TENM1: variants seen among roughly 807,000 people sequenced by gnomAD.
TENM1 encodes the protein teneurin-1.
TENM1 carries 35 observed loss-of-function variants against 174.8 expected under a neutral mutation model. That is an observed-to-expected ratio of 0.20 (90% CI 0.15 to 0.27). The LOEUF is 0.27. TENM1 is among the 10% of genes least tolerant of loss of function. The probability of loss-of-function intolerance (pLI) is 1.00; values close to 1 mark genes in which losing one functional copy is unlikely to be tolerated. For missense variants in TENM1, 1,633 were observed against 2,130.1 expected, an observed-to-expected ratio of 0.77 and a Z score of 4.59; for synonymous variants, 781 against 798.7, an observed-to-expected ratio of 0.98 and a Z score of 0.37.
At chrX:124,687,299 C>T (rs1252547385) in intron 5 of TENM1, among the ~76,000 whole-genome samples, 1 of 111,550 alleles carries the variant, frequency 9.0e-6, no homozygotes, top group Non-Finnish European at 1.9e-5. Flanking sequence ...ACCATCTGAT[C>T]TTCGACAAAT....
chrX:124,516,982 C>T (rs1028098666), intron 18 of TENM1, among the ~76,000 whole-genome samples: 2 of 111,794 alleles, frequency 1.8e-5, no homozygotes, highest in South Asian at 3.7e-4. Flanking sequence ...AAAAGAATGA[C>T]ATTGTGTCTT....
At chrX:124,987,768 A>T in the TENM1 span, among the ~76,000 whole-genome samples, 5 of 105,006 alleles carry the variant, frequency 4.8e-5, no homozygotes, top group Non-Finnish European at 7.8e-5. Context: ...TACCTTTAAA[A>T]TGTGGTTTGG....
intron 3 of TENM1, among the ~76,000 whole-genome samples, chrX:124,747,311 G>GA (rs1275862338): frequency 9.2e-6 from 1 of 108,881 alleles, no homozygotes; most frequent in Non-Finnish European, 1.9e-5. Flanking sequence ...TTCAGAAAAT[G>GA]AAAAAAATTA....
intron 21 of TENM1, among the ~76,000 whole-genome samples, chrX:124,482,727 T>C (rs901910555): frequency 8.9e-6 from 1 of 112,377 alleles, no homozygotes; most frequent in African/African-American, 3.2e-5. Flanking sequence ...TTCTATTACA[T>C]ACTCACAAGG....
In TENM1 at chrX:124,551,262, C is replaced by T. The variant is rs890990471; in HGVS notation, c.2435-4172G>A. Among the ~76,000 whole-genome samples, 10 of 111,176 alleles carry T rather than the reference C, an allele frequency of 9.0e-5. No homozygotes were observed. The Admixed American group carries it at 9.6e-4, about 11-fold the overall frequency. On this transcript the variant is annotated intron_variant, in intron 14 of 31. Transcript: ENST00000422452. The stretch of plus-strand genomic sequence containing the variant: ...GAACATTAGGCTAAGTGAAATAAGT[C>T]AGTCATAGAAGGGAAAATACTCCAT...
At chrX:124,381,238 C>A in exon 32 of TENM1, 1 of 1,203,376 alleles carries the variant, frequency 8.3e-7, no homozygotes, top group Non-Finnish European at 1.1e-6. Context: ...GTAGTTGGTC[C>A]AAGGAAATGA....
chrX:124,846,227 A>G (rs1342966673), intron 3 of TENM1, among the ~76,000 whole-genome samples: 1 of 110,961 alleles, frequency 9.0e-6, no homozygotes, highest in African/African-American at 3.3e-5. Flanking sequence ...GGTGGGTGTC[A>G]AGCAGCAGGT....
intron 1 of TENM1, among the ~76,000 whole-genome samples, chrX:124,925,299 T>C (rs1234010793): frequency 9.0e-6 from 1 of 111,222 alleles, no homozygotes; most frequent in Non-Finnish European, 1.9e-5. Context: ...TTCTAACCTA[T>C]ATTAGGTTAA....
chrX:125,080,506 T>C, the TENM1 span, among the ~76,000 whole-genome samples: 1 of 111,608 alleles, frequency 9.0e-6, no homozygotes, highest in Non-Finnish European at 1.9e-5. Context: ...TATTGTTAGG[T>C]GCTTTGCATA....
intron 21 of TENM1, among the ~76,000 whole-genome samples, chrX:124,482,348 C>T (rs989847618): frequency 8.2e-5 from 9 of 110,170 alleles, no homozygotes; most frequent in African/African-American, 2.3e-4. Context: ...AAGTTACTTT[C>T]TTTTCCTGCT....
intron 11 of TENM1, among the ~76,000 whole-genome samples, chrX:124,588,369 G>T (rs1406193393): frequency 4.5e-5 from 5 of 111,752 alleles, no homozygotes; most frequent in African/African-American, 6.5e-5. Flanking sequence ...CCATAAAAAA[G>T]GATGAGTTCA....
intron 1 of TENM1, among the ~76,000 whole-genome samples, chrX:124,934,113 T>C (rs936673832): frequency 1.8e-5 from 2 of 112,355 alleles, no homozygotes; most frequent in African/African-American, 6.5e-5. Flanking sequence ...GACTGTTCTA[T>C]ACTTGGTTAA....
At position 124,644,090 on chromosome X, in the gene TENM1, CAT is replaced by C. The variant is rs768122906; in HGVS notation, c.1876+1051_1876+1052del. ...ATATGTGTATATATAATATAAATGG[CAT>C]ATATATATGTATATGGCAGATATAT... On this transcript the variant is annotated intron_variant, in intron 10 of 31. Coordinates refer to ENST00000422452, the Ensembl canonical transcript of TENM1. Among the ~76,000 whole-genome samples the C allele has an allele frequency of 8.5e-3, 780 of 91,328 alleles. 6 individuals carry two copies. The highest frequency in any genetic ancestry group is 0.03 in the African/African-American group (753 of 24,944). 79.3% of individuals were successfully genotyped at this position (91,328 alleles called of 115,157 possible). A position where few individuals can be genotyped will look rare whatever the true frequency, so the allele number is the denominator to read the frequency against.
At chrX:124,968,236 G>A (rs1255843212), upstream of TENM1, among the ~76,000 whole-genome samples, 3 of 111,162 alleles carry the variant, frequency 2.7e-5, no homozygotes, top group African/African-American at 9.8e-5. Context: ...TCATTTCAAC[G>A]AATTCATTTC....
At chrX:125,016,772 A>C in the TENM1 span, among the ~76,000 whole-genome samples, 1 of 111,788 alleles carries the variant, frequency 8.9e-6, no homozygotes, top group Admixed American at 9.5e-5. Context: ...CCTAAGCAAA[A>C]GGAATAAAGC....
chrX:125,091,966 C>T, the TENM1 span, among the ~76,000 whole-genome samples: 1 of 77,972 alleles, frequency 1.3e-5, no homozygotes, highest in South Asian at 7.0e-4. Context: ...GCCTGGGCAA[C>T]GAGAGTGAAA....
At chrX:124,754,059 A>G (rs2054159263) in intron 3 of TENM1, among the ~76,000 whole-genome samples, 1 of 111,494 alleles carries the variant, frequency 9.0e-6, no homozygotes, top group Non-Finnish European at 1.9e-5. Flanking sequence ...TTTCAGAAGG[A>G]ATGGTACCAG....
chrX:125,180,043 TCC>T, the TENM1 span, among the ~76,000 whole-genome samples: 1 of 93,347 alleles, frequency 1.1e-5, no homozygotes, highest in African/African-American at 4.0e-5. Flanking sequence ...AGTTCCTCCT[TCC>T]CTAGAGCAGT....
At chrX:125,029,142 AC>A in the TENM1 span, among the ~76,000 whole-genome samples, 4 of 111,976 alleles carry the variant, frequency 3.6e-5, no homozygotes, top group East Asian at 1.1e-3. Context: ...AGGATGGCTG[AC>A]ACTGACCTTA....
Sources: gnomAD v4.1 joint callset for allele counts (sites outside exome capture counted in the v4.1 genomes callset) on GRCh38, gnomAD v4.1.1 for gene constraint, MANE v1.5 for transcripts, NCBI Gene and HGNC (gene_info 2026-07-23, HGNC 2026-07-21) for gene names.